PZP: variants seen among roughly 807,000 people sequenced by gnomAD.
PZP encodes the protein PZP alpha-2-macroglobulin like, also known as pregnancy zone protein.
A neutral mutation model predicts 179.8 loss-of-function variants in PZP; 150 were observed. That is an observed-to-expected ratio of 0.83 (90% CI 0.73 to 0.96). The LOEUF (loss-of-function observed/expected upper bound fraction) is 0.96, where lower values mean the gene tolerates loss of function less well. Among genes scored for constraint, PZP ranks in the 40% least tolerant of loss-of-function variants. PZP has a pLI of 0.00. For synonymous variants in PZP, 624 were observed against 652.3 expected (o/e 0.96, Z 0.66); for missense variants, 1,689 against 1,764.0 (o/e 0.96, Z 0.76).
rs770139108 is a variant in PZP at position 9,158,538 on chromosome 12, C to G, written c.3176G>C (p.Arg1059Pro). The stretch of plus-strand genomic sequence containing the variant: ...TGCTTCATCAATGAAGATGTAGGAT[C>G]GAGCCTGGGCGAAAGTCTTCAGTAC... ...AFVLKTFAQA[R>P]SYIFIDEAHI... Residue 1059 changes from arginine (R) to proline (P), a missense_variant, in exon 26 of 36, where the codon CGA becomes CCA. Arg to Pro is a moderately radical substitution (Grantham distance 103, BLOSUM62 -2). Transcript: ENST00000261336. 6.2e-7 allele frequency: 1 copy of G among 1,613,994 alleles called. No homozygotes were observed. Among genetic ancestry groups the G allele is most frequent in the Non-Finnish European group, 8.5e-7 (1 of 1,179,986 alleles).
intron 1 of PZP, among the ~76,000 whole-genome samples, chr12:9,207,884 G>C (rs2195208): frequency 2.2e-4 from 34 of 152,042 alleles, no homozygotes; most frequent in Non-Finnish European, 7.4e-5. Context: ...AAATAAAGGA[G>C]CTATACTTTC....
Position 9,164,259 on chromosome 12 carries a change from C to T in PZP, c.2488G>A (p.Val830Ile). 1.9e-6 allele frequency: 3 copies of T among 1,612,622 alleles called. No individual in the cohort carries two copies. The highest frequency in any genetic ancestry group is 2.7e-5 in the African/African-American group (2 of 75,020). The change falls in exon 20 of 36, where the codon GTC (valine) becomes ATC (isoleucine). Residue 830 changes from valine to isoleucine, a missense_variant and splice_region_variant. Physicochemically the swap from Val to Ile is conservative, Grantham distance 29. Transcript: ENST00000261336. The stretch of plus-strand genomic sequence containing the variant: ...GGAGAGGCTTTCAGCTGCACACTGA[C>T]CTATCACCCCATGTGAGGCAGAGAC... ...VLNYLPKCIR[V>I]SVQLKASPAF...
chr12:9,153,388 G>C, intron 29 of PZP, 45 bp from the exon 30 acceptor site: 1 of 1,539,596 alleles, frequency 6.5e-7, no homozygotes, highest in Non-Finnish European at 8.9e-7. Flanking sequence ...TAAATTTTTG[G>C]CATCTGGGAT....
In PZP at chr12:9,160,354, C is replaced by T. The variant is rs771803139; in HGVS notation, c.3009G>A (p.Thr1003=). ...LNYLNETQQL[T]QEIKAKAVGY... is the part of the protein sequence containing the mutation. ...CAACGGCCTTGGCCTTGATCTCCTG[C>T]GTCAGCTGCTGGGTTTCATTCAGAT... The change falls in exon 24 of 36, where the codon ACG becomes ACA. Residue 1003 remains threonine (T), a synonymous_variant. Coordinates refer to ENST00000261336, the MANE Select transcript of PZP (RefSeq NM_002864.3). 8 of 1,614,096 alleles carry T rather than the reference C, an allele frequency of 5.0e-6. No homozygotes were observed. Among genetic ancestry groups the T allele is most frequent in the African/African-American group, 2.7e-5 (2 of 75,044 alleles).
rs7977644 is a variant in PZP, at chr12:9,163,411, A to C, written c.2736+257T>G. ...GAGCTTTCAGTGAGCCGAGATCGCA[A>C]CACTGCACTTCAGCCTGTGCAACAG... On this transcript the variant is annotated intron_variant, in intron 21 of 35. Transcript: ENST00000261336. 0.98 allele frequency among the ~76,000 whole-genome samples: 148,737 copies of C among 151,574 alleles called. 73,046 individuals carry two copies. The highest frequency in any genetic ancestry group is 1 in the East Asian group (5,160 of 5,160).
At chr12:9,171,787 A>G (rs1195285364) in intron 15 of PZP, among the ~76,000 whole-genome samples, 4 of 152,228 alleles carry the variant, frequency 2.6e-5, no homozygotes, top group African/African-American at 9.6e-5. Flanking sequence ...AGACTAGAAT[A>G]GAGAAGAAAG....
chr12:9,166,062 C>T lies in PZP; in HGVS notation c.2248G>A (p.Val750Met). Residue 750 changes from valine to methionine, a missense_variant, in exon 18 of 36, where the codon GTG becomes ATG. Transcript: ENST00000261336. ...AGTAAAGTTACTTACTTCACTGCCA[C>T]CAACTCCCAGATCCAAGTCTCAGGA... Reference protein sequence around the residue: ...YFPETWIWELVAVNSSGVAEV... With the variant: ...YFPETWIWELMAVNSSGVAEV... The T allele has an allele frequency of 6.2e-7, 1 of 1,606,642 alleles. No individual in the cohort carries two copies.
intron 13 of PZP, among the ~76,000 whole-genome samples, chr12:9,186,009 T>C (rs780706082): frequency 9.2e-5 from 14 of 151,992 alleles, no homozygotes; most frequent in Non-Finnish European, 8.8e-5. Context: ...GGTTTCACCA[T>C]GTTGGCCAGG....
At chr12:9,195,667 C>T (rs1290456570) in intron 10 of PZP, among the ~76,000 whole-genome samples, 2 of 144,308 alleles carry the variant, frequency 1.4e-5, no homozygotes, top group South Asian at 2.2e-4. Flanking sequence ...TTACTAGGGC[C>T]GATCTAGAAC....
chr12:9,146,945 T>C (rs1940041728), downstream of PZP, among the ~76,000 whole-genome samples: 1 of 152,074 alleles, frequency 6.6e-6, no homozygotes. Context: ...AGTTGAGAGC[T>C]GGGATTTAAA....
intron 27 of PZP, 144 bp from the exon 28 acceptor site, chr12:9,157,499 A>C (rs773489248): frequency 1.1e-4 from 91 of 835,848 alleles, no homozygotes; most frequent in Non-Finnish European, 1.5e-4. Flanking sequence ...TTAAATAGAA[A>C]AATATTTCGA....
chr12:9,141,127 G>A, the PZP span, among the ~76,000 whole-genome samples: 3 of 152,118 alleles, frequency 2.0e-5, no homozygotes, highest in Non-Finnish European at 2.9e-5. Flanking sequence ...TGTTACCTTT[G>A]TGGCATGCAA....
chr12:9,196,321 A>C lies in PZP; in HGVS notation c.1092+9T>G, dbSNP rs754465539. 3.2e-6 allele frequency: 5 copies of C among 1,583,016 alleles called. No homozygotes were observed. The highest frequency in any genetic ancestry group is 4.3e-6 in the Non-Finnish European group (5 of 1,152,288). On this transcript the variant is annotated intron_variant, in intron 10 of 35. Coordinates refer to ENST00000261336, the MANE Select transcript of PZP (RefSeq NM_002864.3). ...ACTTTGCTTACCTGTGCATTACAAC[A>C]TATCTTACCTGTGCAAAAAAGGGGA...
At chr12:9,145,039 T>C (rs1939938446), downstream of PZP, among the ~76,000 whole-genome samples, 1 of 152,226 alleles carries the variant, frequency 6.6e-6, no homozygotes, top group Non-Finnish European at 1.5e-5. Flanking sequence ...TTTTCATCCC[T>C]TCACTTTCAG....
At chr12:9,171,670 G>A (rs777245178) in intron 15 of PZP, among the ~76,000 whole-genome samples, 14 of 152,284 alleles carry the variant, frequency 9.2e-5, no homozygotes, top group East Asian at 1.9e-4. Context: ...GCTGAAAACC[G>A]CATCTCAAGA....
At chr12:9,204,368 C>T (rs767321205) in intron 1 of PZP, among the ~76,000 whole-genome samples, 1 of 152,230 alleles carries the variant, frequency 6.6e-6, no homozygotes, top group East Asian at 1.9e-4. Context: ...AAAGGACTTA[C>T]ATTAAAATCT....
chr12:9,148,837 T>C (rs929036214), downstream of PZP: 7 of 699,466 alleles, frequency 1.0e-5, no homozygotes, highest in Non-Finnish European at 1.5e-5. Context: ...ATGCAACAAG[T>C]GATAGTTTGA....
chr12:9,165,328 G>A lies in PZP; in HGVS notation c.2298C>T (p.Asp766=), dbSNP rs760714883. The A allele has an allele frequency of 6.4e-5, 103 of 1,614,036 alleles. 1 individual carries two copies. In the Admixed American group the frequency reaches 1.7e-3, roughly 26 times the overall value. ...GVAEVGVTVP[D]TITEWKAGAF... ...CCCCTGCCTTCCACTCGGTGATGGT[G>A]TCAGGGACTGTTACTCCTACCTCAG... Residue 766 remains aspartate, a synonymous_variant, in exon 19 of 36, where the codon GAC becomes GAT. Coordinates refer to ENST00000261336, the MANE Select transcript of PZP (RefSeq NM_002864.3).
intron 9 of PZP, 38 bp from the exon 10 acceptor site, chr12:9,196,477 T>G: frequency 6.3e-7 from 1 of 1,576,128 alleles, no homozygotes; most frequent in Non-Finnish European, 8.7e-7. Context: ...TAGAAGTTAC[T>G]TTAGTCATAA....
Sources: allele counts gnomAD v4.1 joint callset (sites outside exome capture counted in the v4.1 genomes callset), GRCh38; gene constraint gnomAD v4.1.1; transcripts MANE v1.5; gene names NCBI Gene and HGNC (gene_info 2026-07-23, HGNC 2026-07-21).